Variants in COX7A2L observed in about 807,000 individuals in gnomAD.
COX7A2L encodes cytochrome c oxidase subunit 7A2-like, mitochondrial.
COX7A2L carries 18 observed loss-of-function variants against 14.2 expected under a neutral mutation model. That is an observed-to-expected ratio of 1.27 (90% CI 0.88 to 1.88). The LOEUF (loss-of-function observed/expected upper bound fraction) is 1.88. Ranked by LOEUF, COX7A2L falls within the 40% of genes most tolerant of loss-of-function variation. COX7A2L has a pLI of 0.00. For missense variants in COX7A2L, 179 were observed against 138.8 expected (o/e 1.29, Z -1.46); for synonymous variants, 65 against 57.4 (o/e 1.13, Z -0.60).
At chr2:42,347,063 A>G (rs1011199294), downstream of COX7A2L, among the ~76,000 whole-genome samples, 18 of 152,068 alleles carry the variant, frequency 1.2e-4, no homozygotes, top group African/African-American at 4.3e-4. Context: ...ACAAGGTTTC[A>G]CCATGTTGCC....
At chr2:42,343,150 C>T (rs536955555) in intron 2 of COX7A2L, among the ~76,000 whole-genome samples, 3 of 152,300 alleles carry the variant, frequency 2.0e-5, no homozygotes, top group South Asian at 2.1e-4. Context: ...CATGGGTTCC[C>T]AGAACAGCAG....
At chr2:42,346,344 G>C (rs1264136598), downstream of COX7A2L, among the ~76,000 whole-genome samples, 1 of 152,150 alleles carries the variant, frequency 6.6e-6, no homozygotes, top group Non-Finnish European at 1.5e-5. Flanking sequence ...CTTCGCTCAG[G>C]TTCTGAAAAA....
intron 1 of COX7A2L, among the ~76,000 whole-genome samples, chr2:42,358,204 C>T (rs1670891872): frequency 6.6e-6 from 1 of 152,156 alleles, no homozygotes; most frequent in South Asian, 2.1e-4. Flanking sequence ...CTAAATGGTA[C>T]CTCATTGTGG....
chr2:42,337,872 C>T (rs1022616381), intron 2 of COX7A2L, among the ~76,000 whole-genome samples: 2 of 152,212 alleles, frequency 1.3e-5, no homozygotes, highest in African/African-American at 4.8e-5. Flanking sequence ...TGCAGTGCTC[C>T]ACTGACCAGT....
chr2:42,362,037 G>T (rs1160801376), upstream of COX7A2L, among the ~76,000 whole-genome samples: 2 of 152,104 alleles, frequency 1.3e-5, no homozygotes, highest in African/African-American at 4.8e-5. Flanking sequence ...TCTCAGAACT[G>T]GTTTTTATTC....
intron 1 of COX7A2L, among the ~76,000 whole-genome samples, chr2:42,368,238 A>C (rs908185665): frequency 6.6e-6 from 1 of 152,142 alleles, no homozygotes; most frequent in Non-Finnish European, 1.5e-5. Flanking sequence ...AATCTTTTCT[A>C]TGTTTGCCTT....
Position 42,355,529 on chromosome 2 carries a change from C to G in COX7A2L, c.73-2186G>C, listed in dbSNP as rs572997892. Among the ~76,000 whole-genome samples, 32 of 152,230 alleles carry G rather than the reference C, an allele frequency of 2.1e-4. 1 individual carries two copies. The South Asian group carries it at 6.2e-3, about 30-fold the overall frequency. On this transcript the variant is annotated intron_variant, in intron 1 of 2. Coordinates refer to ENST00000234301, the MANE Select transcript of COX7A2L (RefSeq NM_004718.4). The stretch of plus-strand genomic sequence containing the variant: ...GTTTTTGAACAGTATCATCTGAAAA[C>G]AGGAATACCAACCATCTTAATTTTA...
chr2:42,337,493 C>A (rs1210032058), intron 2 of COX7A2L, among the ~76,000 whole-genome samples: 2 of 152,054 alleles, frequency 1.3e-5, no homozygotes, highest in Non-Finnish European at 2.9e-5. Context: ...AGGGGTGGCA[C>A]AAGGGGATTC....
downstream of COX7A2L, among the ~76,000 whole-genome samples, chr2:42,347,001 T>C (rs1330228293): frequency 6.6e-6 from 1 of 152,086 alleles, no homozygotes; most frequent in Non-Finnish European, 1.5e-5. Flanking sequence ...AGCCTTGACC[T>C]CCTGGGCTCA....
intron 1 of COX7A2L, among the ~76,000 whole-genome samples, chr2:42,360,428 C>A (rs1438718419): frequency 6.6e-6 from 1 of 152,140 alleles, no homozygotes; most frequent in Non-Finnish European, 1.5e-5. Context: ...TCATGTTTAC[C>A]CCCAACACAT....
At position 42,338,105 on chromosome 2, in the gene COX7A2L, C is replaced by T. The variant is rs562947407; in HGVS notation, c.193-4236G>A. 1.3e-5 allele frequency among the ~76,000 whole-genome samples: 2 copies of T among 152,278 alleles called. No homozygotes were observed. Among genetic ancestry groups the T allele is most frequent in the African/African-American group, 2.4e-5 (1 of 41,564 alleles). On this transcript the variant is annotated intron_variant, in intron 2 of 2. Transcript: ENST00000468711. This position sits in a 1 kb window ranked among gnomAD's most constrained non-coding sequence, Gnocchi z 4.4. ...AGCACTAAGAATTCATCTTCTGGTC[C>T]GCCCCTCCGATGACGGTTGGTTGGT...
In COX7A2L at chr2:42,344,213, A is replaced by T. The variant is rs979074132; in HGVS notation, c.192+8999T>A. ...TAGCTAAATTATTAAATCAGTTCTA[A>T]ATGTATCCAACGGAATGTAACCTCC... On this transcript the variant is annotated intron_variant, in intron 2 of 2. Coordinates refer to the COX7A2L transcript ENST00000468711. Among the ~76,000 whole-genome samples the T allele has an allele frequency of 2.6e-5, 4 of 152,174 alleles. No individual in the cohort carries two copies. In the South Asian group the frequency reaches 8.3e-4, roughly 32 times the overall value.
chr2:42,355,908 T>G (rs1319307813), intron 1 of COX7A2L, among the ~76,000 whole-genome samples: 1 of 152,078 alleles, frequency 6.6e-6, no homozygotes, highest in Admixed American at 6.6e-5. Context: ...GTATTTTTCA[T>G]AGAGACTGGG....
rs368849527 is a variant in COX7A2L, at chr2:42,353,194, T to C, written c.204+18A>G. 4.7e-5 allele frequency: 75 copies of C among 1,611,902 alleles called. No individual in the cohort carries two copies. The highest frequency in any genetic ancestry group is 1.6e-4 in the Middle Eastern group (1 of 6,078). On this transcript the variant is annotated intron_variant, in intron 2 of 2. Transcript: ENST00000234301. ...ATTTATTTCACAGGCTTTTCTGTTG[T>C]AGAGTATCTTCCCTCACCTGGAAAA...
At chr2:42,347,373 C>G (rs1670520545), downstream of COX7A2L, among the ~76,000 whole-genome samples, 1 of 149,566 alleles carries the variant, frequency 6.7e-6, no homozygotes, top group Non-Finnish European at 1.5e-5. Context: ...CCCCTCACCT[C>G]CTAAATCTCA....
chr2:42,351,602 G>A (rs551704458), intron 2 of COX7A2L, among the ~76,000 whole-genome samples: 3 of 152,156 alleles, frequency 2.0e-5, no homozygotes, highest in Non-Finnish European at 4.4e-5. Flanking sequence ...AAATGTCTAA[G>A]ACATTTATCA....
intron 2 of COX7A2L, among the ~76,000 whole-genome samples, chr2:42,336,446 G>A (rs1330331363): frequency 6.7e-6 from 1 of 149,178 alleles, no homozygotes; most frequent in Non-Finnish European, 1.5e-5. Context: ...TGAGAAGAAA[G>A]TGAGTGCCCG....
intron 1 of COX7A2L, among the ~76,000 whole-genome samples, chr2:42,355,257 G>A (rs913172206): frequency 6.6e-6 from 1 of 152,164 alleles, no homozygotes; most frequent in African/African-American, 2.4e-5. Flanking sequence ...AGGCTAACAA[G>A]AATCATGGTT....
upstream of COX7A2L, chr2:42,361,271 G>T: frequency 1.0e-6 from 1 of 980,802 alleles, no homozygotes; most frequent in Non-Finnish European, 1.5e-6. Context: ...CCGGTGCTGG[G>T]ACTAGGGCTG....
Sources: gnomAD v4.1 joint callset for allele counts (sites outside exome capture counted in the v4.1 genomes callset) on GRCh38, gnomAD v4.1.1 for gene constraint, Gnocchi (gnomAD v3.1) non-coding constraint, MANE v1.5 for transcripts, NCBI Gene and HGNC (gene_info 2026-07-23, HGNC 2026-07-21) for gene names.